Variants in ZNF432 observed in about 807,000 individuals in gnomAD.
ZNF432 encodes zinc finger protein 432.
A neutral mutation model predicts 13.9 loss-of-function variants in ZNF432; 10 were observed. The ratio of observed to expected loss-of-function variants is 0.72; its 90% CI spans 0.44 to 1.22. The LOEUF (loss-of-function observed/expected upper bound fraction) is 1.22. ZNF432 is among the 50% of genes most tolerant of loss of function. The pLI is 0.00. For synonymous variants in ZNF432, 247 were observed against 256.2 expected, an observed-to-expected ratio of 0.96 and a Z score of 0.34; for missense variants, 793 against 796.2, an observed-to-expected ratio of 1.00 and a Z score of 0.05.
chr19:52,039,363 G>GGTAT (rs1338438587), intron 4 of ZNF432, among the ~76,000 whole-genome samples: 1 of 151,868 alleles, frequency 6.6e-6, no homozygotes, highest in African/African-American at 2.4e-5. Flanking sequence ...AATAAAATGT[G>GGTAT]GTATATCCAT....
At position 52,046,925 on chromosome 19, in the gene ZNF432, G is replaced by C; in HGVS notation, c.-57C>G. On this transcript the variant is annotated 5_prime_UTR_variant, in exon 2 of 5. Transcript: ENST00000221315. ...GGGATACTCTGTCTTTGTCTCCTCT[G>C]GATCTGCCTTAAATTTCTATTTAGA... is the stretch of plus-strand genomic sequence containing the variant. The C allele has an allele frequency of 1.3e-6, 2 of 1,592,260 alleles. No individual in the cohort carries two copies. The highest frequency in any genetic ancestry group is 1.1e-5 in the South Asian group (1 of 88,254).
Position 52,034,529 on chromosome 19 carries a change from T to C in ZNF432, c.1150A>G (p.Met384Val), listed in dbSNP as rs2087052949. ...TGATGTTCGATCATACGGCTCTTCATGGTGAAGCCTTTCCCACATTCATTG... is the reference window on the plus strand; with the variant it reads ...TGATGTTCGATCATACGGCTCTTCACGGTGAAGCCTTTCCCACATTCATTG... ...ICNECGKGFT[M>V]KSRMIEHQRT... The change falls in exon 5 of 5, where the codon ATG (methionine) becomes GTG (valine). Residue 384 changes from methionine (M) to valine (V), a missense_variant. Physicochemically the swap from Met to Val is conservative, Grantham distance 21. Transcript: ENST00000221315. 6.2e-7 allele frequency: 1 copy of C among 1,613,468 alleles called. No individual in the cohort carries two copies. Among genetic ancestry groups the C allele is most frequent in the Non-Finnish European group, 8.5e-7 (1 of 1,179,944 alleles).
chr19:52,044,963 G>T (rs1246199544), intron 2 of ZNF432, among the ~76,000 whole-genome samples: 1 of 152,188 alleles, frequency 6.6e-6, no homozygotes, highest in African/African-American at 2.4e-5. Context: ...AAGAAGAAAT[G>T]CGTTGGGCCA....
At chr19:52,037,504 AGTC>A (rs2087093730) in intron 4 of ZNF432, among the ~76,000 whole-genome samples, 1 of 152,174 alleles carries the variant, frequency 6.6e-6, no homozygotes, top group Non-Finnish European at 1.5e-5. Context: ...GCAGTAGAAA[AGTC>A]GTATCAAGGC....
chr19:52,033,711 A>G lies in ZNF432; in HGVS notation c.*9T>C, dbSNP rs773337633. 6.4e-7 allele frequency: 1 copy of G among 1,563,874 alleles called. No individual in the cohort carries two copies. The highest frequency in any genetic ancestry group is 1.4e-5 in the African/African-American group (1 of 73,002). On this transcript the variant is annotated 3_prime_UTR_variant, in exon 5 of 5. Coordinates refer to ENST00000221315, the MANE Select transcript of ZNF432 (RefSeq NM_014650.4). Reference sequence around the variant, plus strand: ...TCTTCCCAAAGGCATGAACATGTCCACTGCATTGTCAGGGTTTGTTTCCAT... The same window carrying G: ...TCTTCCCAAAGGCATGAACATGTCCGCTGCATTGTCAGGGTTTGTTTCCAT...
chr19:52,035,508 A>G, intron 4 of ZNF432, 68 bp from the exon 5 acceptor site: 1 of 1,268,724 alleles, frequency 7.9e-7, no homozygotes, highest in Non-Finnish European at 1.1e-6. Context: ...TCTTAGAAAA[A>G]AAAATCCTTG....
chr19:52,047,559 T>C (rs1173131153), intron 1 of ZNF432, among the ~76,000 whole-genome samples: 1 of 151,434 alleles, frequency 6.6e-6, no homozygotes, highest in Non-Finnish European at 1.5e-5. Context: ...GCACCTGTAA[T>C]CCCAGCTACT....
At chr19:52,038,254 G>T (rs2087103256) in intron 4 of ZNF432, among the ~76,000 whole-genome samples, 1 of 152,076 alleles carries the variant, frequency 6.6e-6, no homozygotes, top group African/African-American at 2.4e-5. Context: ...TCTTTTGATA[G>T]TCAGGCCCAT....
At chr19:52,039,519 A>C (rs191816865) in intron 4 of ZNF432, among the ~76,000 whole-genome samples, 2 of 151,868 alleles carry the variant, frequency 1.3e-5, no homozygotes, top group Admixed American at 1.3e-4. Context: ...TAAAATGTCC[A>C]GAACAGGCAA....
At chr19:52,037,388 T>C (rs2123149561) in intron 4 of ZNF432, among the ~76,000 whole-genome samples, 1 of 152,292 alleles carries the variant, frequency 6.6e-6, no homozygotes, top group African/African-American at 2.4e-5. Context: ...AAAACAATGA[T>C]AGGGAATTTT....
At chr19:52,038,620 C>T (rs1159088950) in intron 4 of ZNF432, among the ~76,000 whole-genome samples, 2 of 152,190 alleles carry the variant, frequency 1.3e-5, no homozygotes, top group African/African-American at 4.8e-5. Context: ...ATGTCACCAT[C>T]TTCCTAATTC....
rs909832513 is a variant in ZNF432 at position 52,032,467 on chromosome 19, G to A, written c.*1253C>T. 2 of 132,856 alleles carry A rather than the reference G, an allele frequency of 1.5e-5. No individual in the cohort carries two copies. The highest frequency in any genetic ancestry group is 2.3e-4 in the South Asian group (1 of 4,310). 8.2% of individuals were successfully genotyped at this position (132,856 alleles called of 1,614,324 possible). A position where few individuals can be genotyped will look rare whatever the true frequency, so the allele number is the denominator to read the frequency against. ...TTTTTTTTTTTTGAGGCAGAGTTTC[G>A]CTCTTGTTGCCCAGGCTGGAATGCA... On this transcript the variant is annotated 3_prime_UTR_variant, in exon 5 of 5. Coordinates refer to ENST00000221315, the MANE Select transcript of ZNF432 (RefSeq NM_014650.4).
In ZNF432 at chr19:52,034,268, G is replaced by A. The variant is rs200936479; in HGVS notation, c.1411C>T (p.Arg471Trp). ...TGAGTTCGCTGATGTACAATCAGCC[G>A]ACTCTTCAAGGGGAAGCCTTTCCCA... ...ECGKGFPLKS[R>W]LIVHQRTHTG... Residue 471 changes from arginine to tryptophan, a missense_variant, in exon 5 of 5, where the codon CGG (arginine) becomes TGG (tryptophan). Arg to Trp is a moderately radical substitution (Grantham distance 101, BLOSUM62 -3). Transcript: ENST00000221315. 1.1e-5 allele frequency: 17 copies of A among 1,613,216 alleles called. No homozygotes were observed. The highest frequency in any genetic ancestry group is 2.2e-5 in the East Asian group (1 of 44,756).
In ZNF432 at chr19:52,031,475, G is replaced by C. The variant is rs2087013004; in HGVS notation, c.*2245C>G. 6.6e-6 allele frequency: 1 copy of C among 152,050 alleles called. No individual in the cohort carries two copies. The highest frequency in any genetic ancestry group is 1.5e-5 in the Non-Finnish European group (1 of 68,022). 9.4% of individuals were successfully genotyped at this position (152,050 alleles called of 1,614,324 possible). ...ACAGTGAATGGATACACAAACCCTG[G>C]TGCATCCATTTAAAAGAATACTAAC... On this transcript the variant is annotated 3_prime_UTR_variant, in exon 5 of 5. Coordinates refer to ENST00000221315, the MANE Select transcript of ZNF432 (RefSeq NM_014650.4).
chr19:52,035,768 A>G (rs1167913632), intron 4 of ZNF432, among the ~76,000 whole-genome samples: 1 of 152,136 alleles, frequency 6.6e-6, no homozygotes, highest in Non-Finnish European at 1.5e-5. Context: ...CCTGACCTCC[A>G]GTGATACCCC....
Position 52,034,211 on chromosome 19 carries a change from A to G in ZNF432, c.1468T>C (p.Cys490Arg). The change falls in exon 5 of 5, where the codon TGT becomes CGT. Residue 490 changes from cysteine (C) to arginine (R), a missense_variant. By Grantham distance (180) the Cys-to-Arg change is radical. Coordinates refer to ENST00000221315, the MANE Select transcript of ZNF432 (RefSeq NM_014650.4). ...CTATTCACAATGAAACCTTTCCCAC[A>G]TTCACTGCACCTGTAAGGTTTCTCT... ...TGEKPYRCSE[C>R]GKGFIVNSGL... 1.9e-6 allele frequency: 3 copies of G among 1,614,096 alleles called. No individual in the cohort carries two copies. Among genetic ancestry groups the G allele is most frequent in the Non-Finnish European group, 1.7e-6 (2 of 1,179,996 alleles).
intron 2 of ZNF432, 94 bp downstream of exon 2, chr19:52,046,760 A>C: frequency 6.8e-6 from 9 of 1,324,474 alleles, no homozygotes; most frequent in Non-Finnish European, 7.4e-6. Flanking sequence ...TTAGATTTAA[A>C]GTTTATTTCT....
chr19:52,043,869 C>T (rs1261921646), intron 2 of ZNF432, among the ~76,000 whole-genome samples: 2 of 152,332 alleles, frequency 1.3e-5, no homozygotes, highest in East Asian at 3.9e-4. Context: ...CCTCTCCCCA[C>T]TATTGTCTTG....
chr19:52,038,955 T>C (rs1381580141), intron 4 of ZNF432, among the ~76,000 whole-genome samples: 1 of 152,246 alleles, frequency 6.6e-6, no homozygotes, highest in Non-Finnish European at 1.5e-5. Flanking sequence ...CTTCCAGCCT[T>C]TGGAAAAACT....
Sources: allele counts gnomAD v4.1 joint callset (sites outside exome capture counted in the v4.1 genomes callset), GRCh38; gene constraint gnomAD v4.1.1; transcripts MANE v1.5; gene names NCBI Gene and HGNC (gene_info 2026-07-23, HGNC 2026-07-21).